Variants in SYK observed in about 807,000 individuals in gnomAD.
The protein encoded by SYK is tyrosine-protein kinase SYK.
In SYK, 16 loss-of-function variants were observed where a neutral mutation model predicts 77.8. That is an observed-to-expected ratio of 0.21 (90% confidence interval 0.14 to 0.31). SYK has a LOEUF of 0.31. Among genes scored for constraint, SYK ranks in the 10% least tolerant of loss-of-function variants. The pLI is 1.00. For missense variants in SYK, 529 were observed against 814.4 expected, an observed-to-expected ratio of 0.65 and a Z score of 4.26; for synonymous variants, 312 against 308.7, an observed-to-expected ratio of 1.01 and a Z score of -0.11.
chr9:90,825,227 T>C (rs1052973538), intron 1 of SYK, among the ~76,000 whole-genome samples: 1 of 152,096 alleles, frequency 6.6e-6, no homozygotes, highest in African/African-American at 2.4e-5. Context: ...AAAGAAGATG[T>C]AAGTAAATGG....
intron 1 of SYK, among the ~76,000 whole-genome samples, chr9:90,806,651 T>A (rs543883037): frequency 6.6e-6 from 1 of 152,382 alleles, no homozygotes; most frequent in African/African-American, 2.4e-5. Context: ...ATTTTACCTG[T>A]TGTAAATCCA....
intron 11 of SYK, among the ~76,000 whole-genome samples, chr9:90,879,637 T>C (rs949618629): frequency 1.3e-5 from 2 of 152,244 alleles, no homozygotes; most frequent in Non-Finnish European, 2.9e-5. Context: ...GCTTAACTGG[T>C]ATCCAGAAGA....
At chr9:90,867,855 A>G (rs894531138) in intron 7 of SYK, among the ~76,000 whole-genome samples, 1 of 152,252 alleles carries the variant, frequency 6.6e-6, no homozygotes, top group African/African-American at 2.4e-5. Flanking sequence ...ACTTTTATTT[A>G]TAATGACTTA....
intron 1 of SYK, among the ~76,000 whole-genome samples, chr9:90,806,287 T>C (rs1173125854): frequency 6.6e-6 from 1 of 152,214 alleles, no homozygotes; most frequent in African/African-American, 2.4e-5. Context: ...TCTTTTTTTC[T>C]AGAACCCTCC....
intron 1 of SYK, among the ~76,000 whole-genome samples, chr9:90,837,945 T>G (rs1291836063): frequency 6.6e-6 from 1 of 152,206 alleles, no homozygotes; most frequent in African/African-American, 2.4e-5. Flanking sequence ...AGAAAGCACA[T>G]TCCTTTCTGA....
At chr9:90,885,086 C>T (rs1828511768) in intron 11 of SYK, among the ~76,000 whole-genome samples, 1 of 150,948 alleles carries the variant, frequency 6.6e-6, no homozygotes, top group African/African-American at 2.4e-5. Context: ...ACCACATGGG[C>T]AGATATCAAT....
chr9:90,875,125 A>G (rs970120970), intron 9 of SYK, among the ~76,000 whole-genome samples: 4 of 152,098 alleles, frequency 2.6e-5, no homozygotes, highest in Non-Finnish European at 4.4e-5. Context: ...TCAAATTGGC[A>G]TGGTGGCTCA....
chr9:90,807,273 A>T (rs1482492917), intron 1 of SYK, among the ~76,000 whole-genome samples: 1 of 152,160 alleles, frequency 6.6e-6, no homozygotes, highest in Non-Finnish European at 1.5e-5. Flanking sequence ...CAAGCTCCTT[A>T]GGCTTTGCTT....
rs59844916 is a variant in SYK, at chr9:90,875,646, G to A, written c.1181+797G>A. ...TCATTTTTCTTACATGAAAATTATT[G>A]ATTCCAAATATGATTAGTATAATTA... On this transcript the variant is annotated intron_variant, in intron 9 of 13. Transcript: ENST00000375754. Among the ~76,000 whole-genome samples, 2,462 of 151,888 alleles carry A rather than the reference G, an allele frequency of 0.016. 176 individuals carry two copies. The East Asian group carries it at 0.22, about 14-fold the overall frequency.
intron 1 of SYK, among the ~76,000 whole-genome samples, chr9:90,811,423 A>G (rs1196920517): frequency 6.6e-6 from 1 of 152,214 alleles, no homozygotes; most frequent in East Asian, 1.9e-4. Flanking sequence ...ATAAATTGAC[A>G]AAAGTGGAGA....
At chr9:90,878,664 G>A (rs867631379) in intron 10 of SYK, 100 bp from the exon 11 acceptor site, 1 of 952,406 alleles carries the variant, frequency 1.0e-6, no homozygotes. Flanking sequence ...TAAGAAGAGG[G>A]AAGGAGTAGA....
intron 11 of SYK, among the ~76,000 whole-genome samples, chr9:90,887,390 T>C (rs1167849485): frequency 6.7e-6 from 1 of 149,156 alleles, no homozygotes; most frequent in African/African-American, 2.5e-5. Context: ...CACAATTTTA[T>C]GCTTTTCTTT....
intron 7 of SYK, among the ~76,000 whole-genome samples, chr9:90,872,039 T>C (rs112067535): frequency 1.9e-4 from 29 of 152,336 alleles, no homozygotes; most frequent in African/African-American, 6.7e-4. Flanking sequence ...ATTCTCTGTG[T>C]CCATCGCTAC....
intron 1 of SYK, among the ~76,000 whole-genome samples, chr9:90,818,878 C>T (rs1274508828): frequency 6.6e-6 from 1 of 152,228 alleles, no homozygotes; most frequent in Admixed American, 6.5e-5. Flanking sequence ...AGGAATTATG[C>T]TGGCTCAGCT....
At chr9:90,874,354 G>C in intron 8 of SYK, 63 bp downstream of exon 8, 1 of 1,527,584 alleles carries the variant, frequency 6.5e-7, no homozygotes, top group Non-Finnish European at 9.1e-7. Context: ...TTGTAAGTTT[G>C]TAGAGTTGGT....
chr9:90,819,332 C>T (rs75505307), intron 1 of SYK, among the ~76,000 whole-genome samples: 14,470 of 152,196 alleles, frequency 0.095, 722 homozygotes, highest in Middle Eastern at 0.13. Flanking sequence ...AAATCAATAA[C>T]CATGATGCTT....
Position 90,850,867 on chromosome 9 carries a change from G to A in SYK, c.578+5273G>A, listed in dbSNP as rs1826794818. On this transcript the variant is annotated intron_variant, in intron 3 of 13. Coordinates refer to ENST00000375754, the MANE Select transcript of SYK (RefSeq NM_003177.7). ...AGACCTTGAAAACACTGAGGGTAAG[G>A]CAGCATATTTTGGAGATCAAAATCT... 2.0e-5 allele frequency among the ~76,000 whole-genome samples: 3 copies of A among 152,036 alleles called. No homozygotes were observed. In the South Asian group the frequency reaches 6.2e-4, roughly 32 times the overall value.
intron 1 of SYK, among the ~76,000 whole-genome samples, chr9:90,809,145 G>T (rs3789890): frequency 1.3e-5 from 2 of 152,052 alleles, no homozygotes; most frequent in Non-Finnish European, 2.9e-5. Flanking sequence ...AGGCTGCATC[G>T]CAGGCCTTGG....
rs77890258 is a variant in SYK, at chr9:90,868,029, C to A, written c.915+830C>A. On this transcript the variant is annotated intron_variant, in intron 7 of 13. Coordinates refer to ENST00000375754, the MANE Select transcript of SYK (RefSeq NM_003177.7). ...GACATTTTAGCATATAATTGAGCAT[C>A]CACTCATGAAATAGATTGCCTAAAG... Among the ~76,000 whole-genome samples, 1,152 of 152,096 alleles carry A rather than the reference C, an allele frequency of 7.6e-3. 15 individuals are homozygous for A. Among genetic ancestry groups the A allele is most frequent in the African/African-American group, 0.027 (1,101 of 41,490 alleles).
Sources: allele counts gnomAD v4.1 joint callset (sites outside exome capture counted in the v4.1 genomes callset), GRCh38; gene constraint gnomAD v4.1.1; transcripts MANE v1.5; gene names NCBI Gene and HGNC (gene_info 2026-07-23, HGNC 2026-07-21).